EHBP1: variants seen among roughly 807,000 people sequenced by gnomAD.
The protein encoded by EHBP1 is EH domain-binding protein 1.
Under a neutral mutation model 144.0 loss-of-function variants are expected in EHBP1, and 55 were observed. The observed-to-expected ratio is 0.38, with a 90% CI of 0.31 to 0.48. EHBP1 has a LOEUF of 0.48. Among genes scored for constraint, EHBP1 ranks in the 20% least tolerant of loss-of-function variants. EHBP1 has a pLI of 0.98. For missense variants in EHBP1, 1,200 were observed against 1,364.2 expected (o/e 0.88, Z 1.90); for synonymous variants, 469 against 472.7 (o/e 0.99, Z 0.10).
intron 12 of EHBP1, 130 bp downstream of exon 12, chr2:62,943,980 T>C: frequency 1.7e-6 from 1 of 577,432 alleles, no homozygotes; most frequent in Admixed American, 3.5e-5. Flanking sequence ...GTCTGCTTAC[T>C]GCGGTTCATT....
intron 2 of EHBP1, among the ~76,000 whole-genome samples, chr2:62,729,992 TAGAG>T (rs1297725918): frequency 1.3e-5 from 2 of 152,172 alleles, no homozygotes; most frequent in African/African-American, 2.4e-5. Flanking sequence ...AATATTGCTA[TAGAG>T]AGAGTCACAC....
chr2:62,856,543 C>A (rs62179329), intron 7 of EHBP1, among the ~76,000 whole-genome samples: 5 of 152,172 alleles, frequency 3.3e-5, no homozygotes, highest in Non-Finnish European at 5.9e-5. Context: ...ATGCCTGACT[C>A]GCCCTTGGTA....
At chr2:62,698,264 G>A (rs2034168333) in intron 1 of EHBP1, among the ~76,000 whole-genome samples, 2 of 152,182 alleles carry the variant, frequency 1.3e-5, no homozygotes, top group South Asian at 2.1e-4. Context: ...TTTTTAGCAT[G>A]TGTTATGTGA....
intron 19 of EHBP1, among the ~76,000 whole-genome samples, chr2:63,014,250 T>G (rs2060390825): frequency 6.6e-6 from 1 of 152,208 alleles, no homozygotes; most frequent in Non-Finnish European, 1.5e-5. Context: ...TTTTTCCTTT[T>G]TACCAGGTGA....
At chr2:62,997,768 T>G (rs1320110983) in intron 19 of EHBP1, among the ~76,000 whole-genome samples, 1 of 152,080 alleles carries the variant, frequency 6.6e-6, no homozygotes, top group Non-Finnish European at 1.5e-5. Context: ...ATGCATAGAT[T>G]AGTGAAATCA....
chr2:62,859,142 G>T, intron 7 of EHBP1, 27 bp from the exon 8 acceptor site: 1 of 1,577,652 alleles, frequency 6.3e-7, no homozygotes, highest in South Asian at 1.2e-5. Flanking sequence ...ACCATAATAG[G>T]GAACTAACCC....
At chr2:62,790,924 T>G (rs1414067636) in intron 5 of EHBP1, among the ~76,000 whole-genome samples, 1 of 152,102 alleles carries the variant, frequency 6.6e-6, no homozygotes, top group Non-Finnish European at 1.5e-5. Flanking sequence ...TTGTTTTAAG[T>G]TATAACTCAC....
At chr2:62,691,020 A>G (rs1224458168) in intron 1 of EHBP1, among the ~76,000 whole-genome samples, 2 of 152,238 alleles carry the variant, frequency 1.3e-5, no homozygotes, top group Non-Finnish European at 1.5e-5. Flanking sequence ...GCGTGCCCTC[A>G]GGTTAACTTA....
intron 14 of EHBP1, among the ~76,000 whole-genome samples, chr2:62,957,641 C>T (rs1335668836): frequency 1.2e-3 from 104 of 87,150 alleles, no homozygotes; most frequent in South Asian, 1.9e-3. Context: ...AAAATAAATG[C>T]TTTTTTTTTT....
intron 5 of EHBP1, among the ~76,000 whole-genome samples, chr2:62,797,786 A>G (rs1024794290): frequency 1.3e-5 from 2 of 152,214 alleles, no homozygotes; most frequent in African/African-American, 2.4e-5. Flanking sequence ...CTATGCCTTG[A>G]TAAACTTACA....
At chr2:62,772,605 T>G (rs2041757802) in intron 5 of EHBP1, among the ~76,000 whole-genome samples, 1 of 152,236 alleles carries the variant, frequency 6.6e-6, no homozygotes, top group African/African-American at 2.4e-5. Flanking sequence ...TCCTGTCTCT[T>G]CTACTTACAA....
At chr2:63,022,463 C>T (rs998041649) in intron 19 of EHBP1, among the ~76,000 whole-genome samples, 6 of 151,982 alleles carry the variant, frequency 3.9e-5, no homozygotes, top group Admixed American at 6.6e-5. Flanking sequence ...TACAGACATG[C>T]ACCACCACAC....
At chr2:62,714,801 A>G (rs1166331090) in intron 2 of EHBP1, among the ~76,000 whole-genome samples, 1 of 152,192 alleles carries the variant, frequency 6.6e-6, no homozygotes, top group African/African-American at 2.4e-5. Flanking sequence ...ATGAACTAGC[A>G]TAGGTTGGAG....
chr2:62,896,312 G>A (rs1016817104), intron 10 of EHBP1, among the ~76,000 whole-genome samples: 21 of 152,136 alleles, frequency 1.4e-4, no homozygotes, highest in African/African-American at 5.1e-4. Flanking sequence ...AGTGAGCAAG[G>A]GGACAGTGAT....
chr2:62,748,919 G>T (rs1245064028), intron 3 of EHBP1, among the ~76,000 whole-genome samples: 2 of 151,952 alleles, frequency 1.3e-5, no homozygotes, highest in Non-Finnish European at 2.9e-5. Context: ...AGTAAGATTT[G>T]ATCAATATGT....
intron 10 of EHBP1, among the ~76,000 whole-genome samples, chr2:62,876,612 A>T (rs2050908562): frequency 2.0e-5 from 3 of 152,164 alleles, no homozygotes; most frequent in African/African-American, 7.2e-5. Flanking sequence ...TTTTAAAAGG[A>T]GGTTAAATTG....
intron 7 of EHBP1, among the ~76,000 whole-genome samples, chr2:62,843,645 T>C (rs1404477965): frequency 6.6e-6 from 1 of 152,218 alleles, no homozygotes; most frequent in Non-Finnish European, 1.5e-5. Flanking sequence ...AGTTGTATTT[T>C]TGAACACATG....
intron 3 of EHBP1, among the ~76,000 whole-genome samples, chr2:62,758,011 C>CAA (rs879511679): frequency 2.2e-3 from 192 of 87,560 alleles, no homozygotes; most frequent in African/African-American, 6.6e-3. Context: ...GACTCTGTCT[C>CAA]AAAAAAAAAA....
chr2:62,781,443 A>G (rs943708526), intron 5 of EHBP1, among the ~76,000 whole-genome samples: 2 of 152,210 alleles, frequency 1.3e-5, no homozygotes, highest in African/African-American at 4.8e-5. Context: ...ATTTTGCTGC[A>G]AAAATAATAT....
Sources: gnomAD v4.1 joint callset for allele counts (sites outside exome capture counted in the v4.1 genomes callset) on GRCh38, gnomAD v4.1.1 for gene constraint, MANE v1.5 for transcripts, NCBI Gene and HGNC (gene_info 2026-07-23, HGNC 2026-07-21) for gene names.